RARB: variants seen among roughly 807,000 people sequenced by gnomAD.
The protein encoded by RARB is HBV-activated protein.
Under a neutral mutation model 51.9 loss-of-function variants are expected in RARB, and 17 were observed. The ratio of observed to expected loss-of-function variants is 0.33; its 90% CI spans 0.22 to 0.49. RARB has a LOEUF of 0.49. RARB is among the 20% of genes least tolerant of loss of function. RARB has a pLI of 0.99. For synonymous variants in RARB, 215 were observed against 195.4 expected (o/e 1.10, Z -0.84); for missense variants, 369 against 550.8 (o/e 0.67, Z 3.30).
At chr3:25,468,907 A>T (rs568706921) in intron 2 of RARB, among the ~76,000 whole-genome samples, 7 of 152,242 alleles carry the variant, frequency 4.6e-5, no homozygotes, top group African/African-American at 1.7e-4. Flanking sequence ...GGGGGCCACA[A>T]TCCAGCCTGT....
At chr3:25,531,782 G>T (rs1698935535) in intron 3 of RARB, among the ~76,000 whole-genome samples, 1 of 150,078 alleles carries the variant, frequency 6.7e-6, no homozygotes, top group Non-Finnish European at 1.5e-5. Flanking sequence ...TAAAAATTTT[G>T]TGTCAGAATT....
chr3:25,344,619 G>A (rs528595121), intron 5 of RARB, among the ~76,000 whole-genome samples: 4 of 152,162 alleles, frequency 2.6e-5, no homozygotes, highest in South Asian at 2.1e-4. Flanking sequence ...AAAGTTCCAA[G>A]ATGGGACCCC....
intron 2 of RARB, among the ~76,000 whole-genome samples, chr3:24,969,542 T>C (rs1032360382): frequency 1.1e-4 from 17 of 152,128 alleles, no homozygotes; most frequent in African/African-American, 3.9e-4. Context: ...TATAATTTTA[T>C]GTGAGGTTAT....
chr3:25,342,829 A>G (rs1305554733), intron 5 of RARB, among the ~76,000 whole-genome samples: 2 of 152,098 alleles, frequency 1.3e-5, no homozygotes, highest in African/African-American at 4.8e-5. Context: ...GCTTAATCTC[A>G]TCTGAAGTAC....
intron 2 of RARB, among the ~76,000 whole-genome samples, chr3:24,911,859 T>C (rs1014508704): frequency 2.0e-5 from 3 of 152,232 alleles, no homozygotes; most frequent in Non-Finnish European, 2.9e-5. Context: ...GAATTTTCTA[T>C]AGACTTCACT....
chr3:24,963,502 T>C (rs1696185517), intron 2 of RARB, among the ~76,000 whole-genome samples: 1 of 150,174 alleles, frequency 6.7e-6, no homozygotes, highest in Non-Finnish European at 1.5e-5. Flanking sequence ...GAAAAAGAGA[T>C]TATTTTCCGT....
chr3:25,334,237 A>G (rs1324706344), intron 5 of RARB, among the ~76,000 whole-genome samples: 2 of 152,218 alleles, frequency 1.3e-5, no homozygotes, highest in African/African-American at 4.8e-5. Flanking sequence ...ACGTATGTTT[A>G]TTGCAGCACT....
At chr3:25,068,133 C>CAAAAAAAAAAAAAA (rs55826425) in intron 3 of RARB, among the ~76,000 whole-genome samples, 3 of 33,268 alleles carry the variant, frequency 9.0e-5, no homozygotes, top group Non-Finnish European at 1.1e-4. Flanking sequence ...GACTCCATCT[C>CAAAAAAAAAAAAAA]AAAAAAAAAA....
intron 2 of RARB, among the ~76,000 whole-genome samples, chr3:24,935,652 T>C (rs946620691): frequency 5.9e-5 from 9 of 152,200 alleles, no homozygotes; most frequent in Non-Finnish European, 1.3e-4. Context: ...GGCACTGCCA[T>C]ATGTTAGAGT....
intron 2 of RARB, among the ~76,000 whole-genome samples, chr3:24,885,436 C>G (rs1392650415): frequency 6.6e-6 from 1 of 152,058 alleles, no homozygotes; most frequent in Non-Finnish European, 1.5e-5. Flanking sequence ...TGCTGTAAAC[C>G]TTGAGAATCT....
rs535610097 is a variant in RARB, at chr3:25,332,602, T to G, written c.179-128591T>G. On this transcript the variant is annotated intron_variant, in intron 5 of 11. Coordinates refer to the RARB transcript ENST00000383772. ...TGGACAAAAACTGGAAGCATTCCCT[T>G]TGAAAACTGGCACAAGACAGGGATG... 2.6e-3 allele frequency among the ~76,000 whole-genome samples: 399 copies of G among 152,314 alleles called. 5 individuals carry two copies. Among genetic ancestry groups the G allele is most frequent in the African/African-American group, 9.0e-3 (373 of 41,570 alleles).
chr3:24,885,016 G>A (rs946039079), intron 2 of RARB, among the ~76,000 whole-genome samples: 1 of 152,140 alleles, frequency 6.6e-6, no homozygotes, highest in African/African-American at 2.4e-5. Context: ...TCCAGGCGAA[G>A]AATATTAGAA....
At chr3:25,003,584 T>G (rs1415784538) in intron 2 of RARB, among the ~76,000 whole-genome samples, 1 of 152,096 alleles carries the variant, frequency 6.6e-6, no homozygotes, top group Non-Finnish European at 1.5e-5. Flanking sequence ...TGTCCAAAAT[T>G]TATTTGGTAC....
intron 5 of RARB, among the ~76,000 whole-genome samples, chr3:25,367,817 C>CAAAAAAAAA (rs369165017): frequency 8.0e-6 from 1 of 125,574 alleles, no homozygotes; most frequent in Non-Finnish European, 1.6e-5. Context: ...AAAAAACAAG[C>CAAAAAAAAA]AAAAAAAAAA....
At chr3:24,944,197 C>T (rs893251691) in intron 2 of RARB, among the ~76,000 whole-genome samples, 11 of 152,194 alleles carry the variant, frequency 7.2e-5, no homozygotes, top group African/African-American at 2.7e-4. Flanking sequence ...ATTCTTGTTT[C>T]TCTCACTCAC....
intron 5 of RARB, among the ~76,000 whole-genome samples, chr3:25,190,099 G>A (rs1301853892): frequency 6.6e-6 from 1 of 152,052 alleles, no homozygotes; most frequent in Non-Finnish European, 1.5e-5. Flanking sequence ...ATAGGGGTTG[G>A]GGGAAGAGGA....
intron 3 of RARB, among the ~76,000 whole-genome samples, chr3:25,115,661 T>G (rs1367066947): frequency 6.6e-6 from 1 of 151,790 alleles, no homozygotes; most frequent in African/African-American, 2.4e-5. Flanking sequence ...TCTTTTTCCT[T>G]TCCTTTCCTT....
intron 2 of RARB, among the ~76,000 whole-genome samples, chr3:24,993,980 G>A (rs1197156103): frequency 1.3e-5 from 2 of 152,048 alleles, no homozygotes; most frequent in African/African-American, 2.4e-5. Context: ...TTGCAGATGT[G>A]TCTTTGAAAC....
At chr3:25,187,873 A>C (rs996720393) in intron 5 of RARB, among the ~76,000 whole-genome samples, 1 of 152,136 alleles carries the variant, frequency 6.6e-6, no homozygotes, top group African/African-American at 2.4e-5. Context: ...TAAATGTTTT[A>C]GTGTGTTTGA....
Sources: gnomAD v4.1 joint callset for allele counts (sites outside exome capture counted in the v4.1 genomes callset) on GRCh38, gnomAD v4.1.1 for gene constraint, MANE v1.5 for transcripts, NCBI Gene and HGNC (gene_info 2026-07-23, HGNC 2026-07-21) for gene names.